PKD2: variants seen among roughly 807,000 people sequenced by gnomAD.
PKD2 encodes polycystin-2.
A neutral mutation model predicts 105.9 loss-of-function variants in PKD2; 48 were observed. The ratio of observed to expected loss-of-function variants is 0.45; its 90% CI spans 0.36 to 0.58. The LOEUF is 0.58. Ranked by LOEUF, PKD2 falls within the 20% of genes least tolerant of loss-of-function variation. PKD2 has a pLI of 0.00. For missense variants in PKD2, 1,078 were observed against 1,255.3 expected (o/e 0.86, Z 2.13); for synonymous variants, 464 against 481.1 (o/e 0.96, Z 0.46).
chr4:88,070,601 T>TATATATATATATAGAGAG (rs1313482750), intron 13 of PKD2, among the ~76,000 whole-genome samples: 3 of 91,480 alleles, frequency 3.3e-5, no homozygotes, highest in Non-Finnish European at 6.3e-5. Flanking sequence ...TATATATATA[T>TATATATATATATAGAGAG]AGAGAGAGAG....
chr4:88,059,737 A>ATACATACC (rs1720496826), intron 9 of PKD2, among the ~76,000 whole-genome samples: 2 of 143,788 alleles, frequency 1.4e-5, no homozygotes, highest in Admixed American at 7.3e-5. Context: ...GGATAGATAC[A>ATACATACC]TACATACGTA....
chr4:88,064,630 C>T (rs1242934794), intron 10 of PKD2, among the ~76,000 whole-genome samples: 1 of 152,044 alleles, frequency 6.6e-6, no homozygotes, highest in Non-Finnish European at 1.5e-5. Context: ...CAGTGGCTCA[C>T]CCCTGTAATC....
chr4:88,070,622 A>AGG (rs1720994952), intron 13 of PKD2, among the ~76,000 whole-genome samples: 1 of 147,100 alleles, frequency 6.8e-6, no homozygotes, highest in South Asian at 2.1e-4. Flanking sequence ...AGAGAGAGAG[A>AGG]GAGAGAAAGA....
chr4:88,018,884 GT>G (rs1560597557), intron 1 of PKD2, among the ~76,000 whole-genome samples: 2 of 152,216 alleles, frequency 1.3e-5, no homozygotes, highest in Non-Finnish European at 2.9e-5. Context: ...TCACCATGGA[GT>G]TTTTTAATAG....
At chr4:88,016,526 A>T (rs1726566887) in intron 1 of PKD2, among the ~76,000 whole-genome samples, 1 of 152,194 alleles carries the variant, frequency 6.6e-6, no homozygotes, top group South Asian at 2.1e-4. Flanking sequence ...CTACTTGTAG[A>T]TGCAACTATT....
chr4:88,039,072 G>T (rs994509564), intron 4 of PKD2, among the ~76,000 whole-genome samples: 3 of 152,144 alleles, frequency 2.0e-5, no homozygotes, highest in African/African-American at 7.2e-5. Context: ...TATTAAGGGA[G>T]GTCACTTACT....
Position 88,020,673 on chromosome 4 carries a change from A to G in PKD2, c.709+1102A>G, listed in dbSNP as rs1205134023. On this transcript the variant is annotated intron_variant, in intron 2 of 14. Transcript: ENST00000237596. ...GAGCCTCCTACCAAACTCCTCTGAG[A>G]AAAGGTTTCCTTTTTTTTTTTTTTT... Among the ~76,000 whole-genome samples, 3 of 152,010 alleles carry G rather than the reference A, an allele frequency of 2.0e-5. No homozygotes were observed. In the East Asian group the frequency reaches 5.8e-4, roughly 29 times the overall value.
intron 4 of PKD2, among the ~76,000 whole-genome samples, chr4:88,039,796 A>G (rs750188021): frequency 6.6e-6 from 1 of 152,070 alleles, no homozygotes; most frequent in Non-Finnish European, 1.5e-5. Flanking sequence ...TATTACAGAT[A>G]GAGTTTCTTG....
intron 14 of PKD2, 106 bp from the exon 15 acceptor site, chr4:88,075,352 T>C (rs1303930273): frequency 2.3e-6 from 2 of 875,986 alleles, no homozygotes; most frequent in Admixed American, 1.7e-5. Context: ...TGCTATTATA[T>C]GCTGTAAATC....
At chr4:88,060,827 G>A (rs1720545639) in intron 9 of PKD2, among the ~76,000 whole-genome samples, 1 of 152,156 alleles carries the variant, frequency 6.6e-6, no homozygotes, top group South Asian at 2.1e-4. Context: ...GCACTTACCT[G>A]CATCAGGACC....
chr4:88,077,638 T>C lies in PKD2; in HGVS notation c.*1944T>C, dbSNP rs1337231192. ...TAGTCATGGAGAACTCCCCCCCTCA[T>C]CTCTTCCCTATTATCTTTCCCTGTG... On this transcript the variant is annotated 3_prime_UTR_variant, in exon 15 of 15. Coordinates refer to ENST00000237596, the MANE Select transcript of PKD2 (RefSeq NM_000297.4). The C allele has an allele frequency of 6.6e-6, 1 of 152,260 alleles. No homozygotes were observed. The highest frequency in any genetic ancestry group is 1.5e-5 in the Non-Finnish European group (1 of 68,018). The allele number at this position is 152,260 out of a possible 1,614,324, so 9.4% of individuals were successfully genotyped here.
At chr4:88,071,064 T>G (rs1377111996) in intron 13 of PKD2, among the ~76,000 whole-genome samples, 1 of 151,772 alleles carries the variant, frequency 6.6e-6, no homozygotes, top group Non-Finnish European at 1.5e-5. Flanking sequence ...TAACTTCCTT[T>G]TTTTTTTAAG....
chr4:88,065,676 T>A, intron 11 of PKD2, 86 bp from the exon 12 acceptor site: 1 of 1,217,560 alleles, frequency 8.2e-7, no homozygotes, highest in Non-Finnish European at 1.2e-6. Context: ...TGATTTCTCC[T>A]TTCCTCCTGC....
At position 88,046,852 on chromosome 4, in the gene PKD2, G is replaced by C. The variant is rs1325762703; in HGVS notation, c.1530G>C (p.Leu510=). 2.5e-6 allele frequency: 4 copies of C among 1,605,324 alleles called. No individual in the cohort carries two copies. ...LHYFRSFWNC[L]DVVIVVLSVV... ...ATTTCAGGAGTTTCTGGAATTGTCT[G>C]GATGTTGTGATCGTTGTGGTAGGTT... The change falls in exon 6 of 15, where the codon CTG becomes CTC. Residue 510 remains leucine, a synonymous_variant. Transcript: ENST00000237596.
At chr4:88,011,900 G>A (rs998807678) in intron 1 of PKD2, among the ~76,000 whole-genome samples, 3 of 149,746 alleles carry the variant, frequency 2.0e-5, no homozygotes, top group African/African-American at 7.4e-5. Flanking sequence ...CAATGGGGGG[G>A]GGGGGGAGGG....
At position 88,008,218 on chromosome 4, in the gene PKD2, C is replaced by A. The variant is rs1034653764; in HGVS notation, c.485C>A (p.Pro162Gln). 9.3e-6 allele frequency: 13 copies of A among 1,401,634 alleles called. No homozygotes were observed. Among genetic ancestry groups the A allele is most frequent in the Non-Finnish European group, 1.2e-5 (13 of 1,083,252 alleles). The allele number at this position is 1,401,634 out of a possible 1,614,324, so 86.8% of individuals were successfully genotyped here. A position where few individuals can be genotyped will look rare whatever the true frequency, so the allele number is the denominator to read the frequency against. Residue 162 changes from proline (P) to glutamine (Q), a missense_variant, in exon 1 of 15, where the codon CCG (proline) becomes CAG (glutamine). This residue lies in a region of PKD2 where 868 missense variants were observed against 1,067.3 expected (regional missense o/e 0.81). Transcript: ENST00000237596. ...CGGCGCCGGCGAGAGGACCAGGGCC[C>A]GCCGTGCCCCAGCCCAGTCGGCGGC... ...GRRRRREDQGPPCPSPVGGGD... is the reference protein window; with the variant it reads ...GRRRRREDQGQPCPSPVGGGD...
At chr4:88,023,134 A>G (rs1726822257) in intron 2 of PKD2, among the ~76,000 whole-genome samples, 1 of 152,078 alleles carries the variant, frequency 6.6e-6, no homozygotes, top group African/African-American at 2.4e-5. Flanking sequence ...TAAATAGAAA[A>G]GAAAAAGAAA....
intron 1 of PKD2, among the ~76,000 whole-genome samples, chr4:88,017,907 A>G (rs1726614697): frequency 6.6e-6 from 1 of 152,232 alleles, no homozygotes; most frequent in Non-Finnish European, 1.5e-5. Context: ...CTCTATTGAC[A>G]TATATTTTAG....
intron 3 of PKD2, 81 bp from the exon 4 acceptor site, chr4:88,038,170 T>C (rs1578130316): frequency 7.0e-7 from 1 of 1,428,158 alleles, no homozygotes; most frequent in East Asian, 2.3e-5. Context: ...TGCCAAATGC[T>C]TGGTTATGCA....
Sources: gnomAD v4.1 joint callset for allele counts (sites outside exome capture counted in the v4.1 genomes callset) on GRCh38, gnomAD v4.1.1 for gene constraint, gnomAD v4.1.1 regional missense constraint, MANE v1.5 for transcripts, NCBI Gene and HGNC (gene_info 2026-07-23, HGNC 2026-07-21) for gene names.